The following KIF5C variants were observed in gnomAD, a reference collection of about 807,000 sequenced individuals.
KIF5C encodes kinesin family member 5C.
Under a neutral mutation model 125.2 loss-of-function variants are expected in KIF5C, and 18 were observed. The ratio of observed to expected loss-of-function variants is 0.14; its 90% CI spans 0.10 to 0.21. The LOEUF (loss-of-function observed/expected upper bound fraction) is 0.21, where lower values mean the gene tolerates loss of function less well. Among genes scored for constraint, KIF5C ranks in the 10% least tolerant of loss-of-function variants. The pLI is 1.00. For missense variants in KIF5C, 780 were observed against 1,183.8 expected, an observed-to-expected ratio of 0.66 and a Z score of 5.01; for synonymous variants, 405 against 434.0, an observed-to-expected ratio of 0.93 and a Z score of 0.83.
intron 6 of KIF5C, 141 bp downstream of exon 6, chr2:148,942,131 G>A (rs906415272): frequency 1.1e-6 from 1 of 930,960 alleles, no homozygotes; most frequent in Non-Finnish European, 1.6e-6. Flanking sequence ...ATATTCATCT[G>A]GTTTTAAAAA....
At chr2:148,888,146 T>TG (rs1052303441) in intron 1 of KIF5C, 5 of 152,154 alleles carry the variant, frequency 3.3e-5, no homozygotes, top group Admixed American at 2.6e-4. Flanking sequence ...CCCTGGTGCC[T>TG]GGCTGCCCCG....
At chr2:148,913,510 G>T (rs566133168) in intron 1 of KIF5C, among the ~76,000 whole-genome samples, 3 of 152,288 alleles carry the variant, frequency 2.0e-5, no homozygotes, top group African/African-American at 7.2e-5. Context: ...TAATTCTATT[G>T]GCAGTAAATA....
At chr2:149,021,791 A>G (rs1265489260) in intron 25 of KIF5C, among the ~76,000 whole-genome samples, 1 of 150,872 alleles carries the variant, frequency 6.6e-6, no homozygotes, top group Non-Finnish European at 1.5e-5. Context: ...AGTACCAGGT[A>G]ATTCCATGTA....
intron 10 of KIF5C, among the ~76,000 whole-genome samples, chr2:148,959,354 C>CT (rs925223165): frequency 4.0e-5 from 6 of 149,064 alleles, no homozygotes; most frequent in Admixed American, 1.3e-4. Context: ...CCTTGCTATT[C>CT]TTTTTTTTTT....
intron 1 of KIF5C, among the ~76,000 whole-genome samples, chr2:148,921,591 C>T (rs1681787492): frequency 6.6e-6 from 1 of 152,190 alleles, no homozygotes; most frequent in Admixed American, 6.5e-5. Flanking sequence ...GCTTCTACAG[C>T]TCTTCAGGAG....
chr2:148,936,664 C>T (rs188936357), intron 3 of KIF5C, among the ~76,000 whole-genome samples: 36 of 152,272 alleles, frequency 2.4e-4, no homozygotes, highest in Admixed American at 8.5e-4. Flanking sequence ...GAATATAAGA[C>T]GATCTTAAAC....
intron 15 of KIF5C, among the ~76,000 whole-genome samples, chr2:148,990,502 C>A (rs1381613313): frequency 6.6e-6 from 1 of 152,176 alleles, no homozygotes; most frequent in South Asian, 2.1e-4. Flanking sequence ...CATAGAAACA[C>A]CTTTTTATTT....
At chr2:149,017,744 G>C in intron 25 of KIF5C, among the ~76,000 whole-genome samples, 1 of 152,112 alleles carries the variant, frequency 6.6e-6, no homozygotes, top group South Asian at 2.1e-4. Context: ...CCCCAGAGTT[G>C]ATTTAAATTA....
intron 8 of KIF5C, chr2:148,947,374 G>T (rs1443555084): frequency 1.0e-4 from 22 of 214,158 alleles, no homozygotes; most frequent in Middle Eastern, 1.8e-3. Flanking sequence ...ATCCCATGTT[G>T]TACCCGACTC....
chr2:148,957,317 A>G (rs1261305657), intron 10 of KIF5C, among the ~76,000 whole-genome samples: 2 of 149,862 alleles, frequency 1.3e-5, no homozygotes, highest in South Asian at 4.2e-4. Context: ...TTAACAAAGG[A>G]GGAAACTGAT....
rs1226920192 is a variant in KIF5C at position 149,023,402 on chromosome 2, G to A, written c.*332G>A. The A allele has an allele frequency of 2.6e-5, 4 of 152,582 alleles. No homozygotes were observed. The highest frequency in any genetic ancestry group is 5.9e-5 in the Non-Finnish European group (4 of 68,034). The allele number at this position is 152,582 out of a possible 1,614,324, so 9.5% of individuals were successfully genotyped here. Reference sequence around the variant, plus strand: ...GGGCAGTGCACTGTCCCATCTGTACGCCCTAATGTGCCATTCCCTAGAGGG... The same window carrying A: ...GGGCAGTGCACTGTCCCATCTGTACACCCTAATGTGCCATTCCCTAGAGGG... On this transcript the variant is annotated 3_prime_UTR_variant, in exon 26 of 26. Transcript: ENST00000435030.
Position 148,998,453 on chromosome 2 carries a change from G to C in KIF5C, c.2154G>C (p.Leu718=). 1 of 1,567,442 alleles carries C rather than the reference G, an allele frequency of 6.4e-7. No individual in the cohort carries two copies. The highest frequency in any genetic ancestry group is 8.7e-7 in the Non-Finnish European group (1 of 1,156,056). The change falls in exon 19 of 26, where the codon CTG becomes CTC. Residue 718 remains leucine, a synonymous_variant. Transcript: ENST00000435030. The part of the protein sequence containing the change: ...ESHREAHQKQ[L]SRLRDEIEEK... Reference sequence around the variant, plus strand: ...ACCGGGAAGCTCACCAGAAGCAGCTGTCCAGACTCCGAGACGAAATTGAGG... The same window carrying C: ...ACCGGGAAGCTCACCAGAAGCAGCTCTCCAGACTCCGAGACGAAATTGAGG...
intron 1 of KIF5C, among the ~76,000 whole-genome samples, chr2:148,880,109 C>T (rs780692983): frequency 8.5e-5 from 13 of 152,088 alleles, no homozygotes; most frequent in East Asian, 3.8e-4. Context: ...CAAATTTACA[C>T]GCAGTAATAC....
In KIF5C at chr2:149,024,462, G is replaced by T. The variant is rs1375150006; in HGVS notation, c.*1392G>T. 6.6e-6 allele frequency: 1 copy of T among 151,766 alleles called. No individual in the cohort carries two copies. Among genetic ancestry groups the T allele is most frequent in the Non-Finnish European group, 1.5e-5 (1 of 68,288 alleles). 9.4% of individuals were successfully genotyped at this position (151,766 alleles called of 1,614,324 possible). A position where few individuals can be genotyped will look rare whatever the true frequency, so the allele number is the denominator to read the frequency against. On this transcript the variant is annotated 3_prime_UTR_variant, in exon 26 of 26. Coordinates refer to ENST00000435030, the MANE Select transcript of KIF5C (RefSeq NM_004522.3). Reference sequence around the variant, plus strand: ...CTTTCACCACTGTAATGAAATATATGCCAGGGGAGACTTTGGGCTTTTCTC... The same window carrying T: ...CTTTCACCACTGTAATGAAATATATTCCAGGGGAGACTTTGGGCTTTTCTC...
At chr2:148,992,461 T>G (rs1002007441) in intron 16 of KIF5C, among the ~76,000 whole-genome samples, 1 of 152,216 alleles carries the variant, frequency 6.6e-6, no homozygotes, top group Non-Finnish European at 1.5e-5. Flanking sequence ...TTAAAAATAT[T>G]AAAAGCTTTT....
At chr2:149,003,924 C>A (rs1005210966) in intron 21 of KIF5C, among the ~76,000 whole-genome samples, 1 of 152,154 alleles carries the variant, frequency 6.6e-6, no homozygotes, top group African/African-American at 2.4e-5. Flanking sequence ...AAACCACTGA[C>A]AAGAAACAGA....
intron 16 of KIF5C, among the ~76,000 whole-genome samples, chr2:148,992,250 T>C (rs1681547378): frequency 6.6e-6 from 1 of 152,204 alleles, no homozygotes; most frequent in African/African-American, 2.4e-5. Flanking sequence ...GATTATTCAG[T>C]GCTAATATGT....
intron 10 of KIF5C, among the ~76,000 whole-genome samples, chr2:148,957,973 A>G (rs1682838528): frequency 6.6e-6 from 1 of 152,096 alleles, no homozygotes; most frequent in South Asian, 2.1e-4. Context: ...ACTGTTTTGT[A>G]TCTGGCTTCT....
At chr2:148,885,002 A>C in intron 1 of KIF5C, among the ~76,000 whole-genome samples, 3 of 134,390 alleles carry the variant, frequency 2.2e-5, no homozygotes, top group Non-Finnish European at 3.1e-5. Flanking sequence ...ACGGATTCTC[A>C]CTCTGTCTCC....
Sources: allele counts gnomAD v4.1 joint callset (sites outside exome capture counted in the v4.1 genomes callset), GRCh38; gene constraint gnomAD v4.1.1; transcripts MANE v1.5; gene names NCBI Gene and HGNC (gene_info 2026-07-23, HGNC 2026-07-21).